Variants in NR4A3 observed in about 807,000 individuals in gnomAD.
The protein encoded by NR4A3 is nuclear receptor subfamily 4 group A member 3, also known as chondrosarcoma, extraskeletal myxoid, fused to EWS.
NR4A3 carries 13 observed loss-of-function variants against 55.6 expected under a neutral mutation model. The observed-to-expected ratio is 0.23, with a 90% confidence interval of 0.15 to 0.37. The LOEUF (loss-of-function observed/expected upper bound fraction) is 0.37. Among genes scored for constraint, NR4A3 ranks in the 10% least tolerant of loss-of-function variants. The pLI, the probability that NR4A3 is intolerant of heterozygous loss-of-function variation, is 1.00. For synonymous variants in NR4A3, 342 were observed against 357.9 expected (o/e 0.96, Z 0.50); for missense variants, 646 against 822.8 (o/e 0.79, Z 2.63).
In NR4A3 at chr9:99,842,801, T is replaced by C. The variant is rs760187631; in HGVS notation, c.1255-1848T>C. 1.3e-4 allele frequency among the ~76,000 whole-genome samples: 20 copies of C among 152,100 alleles called. No individual in the cohort carries two copies. In the Middle Eastern group the frequency reaches 0.01, roughly 78 times the overall value. On this transcript the variant is annotated intron_variant, in intron 5 of 7. Transcript: ENST00000395097. The stretch of plus-strand genomic sequence containing the variant: ...TAGCTAGGAGGGGTAAAACTTGAAA[T>C]CACAGGGTCAGCATAAGTCCTGGCT...
intron 2 of NR4A3, chr9:99,826,763 T>C (rs1827301803): frequency 2.5e-6 from 4 of 1,613,770 alleles, no homozygotes; most frequent in Non-Finnish European, 3.4e-6. Context: ...CAAGATTTCA[T>C]CCCATACATG....
intron 7 of NR4A3, among the ~76,000 whole-genome samples, chr9:99,862,608 CTAAATGT>C (rs1007307223): frequency 1.5e-5 from 2 of 133,280 alleles, no homozygotes; most frequent in Non-Finnish European, 3.1e-5. Context: ...GCTCTGAAGT[CTAAATGT>C]TGAGGAAAAG....
Position 99,828,016 on chromosome 9 carries a change from GA to G in NR4A3, c.-2-24del. On this transcript the variant is annotated intron_variant, in intron 2 of 7. Transcript: ENST00000395097. The surrounding 1 kb of genome is among the most constrained non-coding windows in gnomAD (Gnocchi z 7.7). Reference sequence around the variant, plus strand: ...AAAACAAGTGTTAACTTGCTTCTGAGAGACCCTTTTCTCTGTCCCTGCAGAT... The same window carrying G: ...AAAACAAGTGTTAACTTGCTTCTGAGGACCCTTTTCTCTGTCCCTGCAGAT... 1.3e-6 allele frequency: 2 copies of G among 1,592,228 alleles called. No individual in the cohort carries two copies. Among genetic ancestry groups the G allele is most frequent in the Non-Finnish European group, 1.7e-6 (2 of 1,167,682 alleles).
At chr9:99,861,181 A>C (rs1268246980) in intron 7 of NR4A3, among the ~76,000 whole-genome samples, 2 of 152,234 alleles carry the variant, frequency 1.3e-5, no homozygotes, top group Non-Finnish European at 2.9e-5. Context: ...CTTACAGTCC[A>C]TGGAGATCCC....
At chr9:99,826,162 A>G (rs1447233391) in intron 2 of NR4A3, among the ~76,000 whole-genome samples, 1 of 152,242 alleles carries the variant, frequency 6.6e-6, no homozygotes, top group East Asian at 1.9e-4. Context: ...TGCACATGTA[A>G]GAGTTATGGA....
rs1828095189 is a variant in NR4A3 at position 99,866,199 on chromosome 9, C to CT, written c.*2334dup. 1 of 215,648 alleles carries CT rather than the reference C, an allele frequency of 4.6e-6. No individual in the cohort carries two copies. The highest frequency in any genetic ancestry group is 5.8e-5 in the Admixed American group (1 of 17,170). The allele number at this position is 215,648 out of a possible 1,614,324, so 13.4% of individuals were successfully genotyped here. ...AAAGCTAACATTTCATACAAGATAG[C>CT]TTCAGACCAAATTCAAATTGAATTT... On this transcript the variant is annotated 3_prime_UTR_variant, in exon 8 of 8. Coordinates refer to ENST00000395097, the MANE Select transcript of NR4A3 (RefSeq NM_006981.4).
At chr9:99,859,036 G>A (rs1827970535) in intron 7 of NR4A3, among the ~76,000 whole-genome samples, 1 of 152,120 alleles carries the variant, frequency 6.6e-6, no homozygotes, top group Non-Finnish European at 1.5e-5. Flanking sequence ...TGACACATAA[G>A]TCTATTACTT....
At chr9:99,834,788 C>A in intron 5 of NR4A3, 2 of 985,346 alleles carry the variant, frequency 2.0e-6, no homozygotes, top group African/African-American at 1.7e-5. Context: ...CTCCTCTCTG[C>A]ACCTGATAAC....
At chr9:99,834,061 G>C (rs1827504507) in intron 5 of NR4A3, 1 of 1,046,712 alleles carries the variant, frequency 9.6e-7, no homozygotes, top group Non-Finnish European at 1.2e-6. Flanking sequence ...AACCTCAGAG[G>C]GGTGTTCTGA....
At chr9:99,823,920 T>C (rs1827235960) in intron 1 of NR4A3, among the ~76,000 whole-genome samples, 1 of 151,906 alleles carries the variant, frequency 6.6e-6, no homozygotes, top group Non-Finnish European at 1.5e-5. Flanking sequence ...GGTTGGAAAC[T>C]CCGCAGAGGA....
intron 7 of NR4A3, 83 bp from the exon 8 acceptor site, chr9:99,863,537 G>A: frequency 3.3e-6 from 5 of 1,503,984 alleles, no homozygotes; most frequent in Non-Finnish European, 4.5e-6. Flanking sequence ...GGCAGAATGA[G>A]ACACAGACCT....
At chr9:99,859,826 T>G (rs1279769934) in intron 7 of NR4A3, among the ~76,000 whole-genome samples, 1 of 152,194 alleles carries the variant, frequency 6.6e-6, no homozygotes, top group Non-Finnish European at 1.5e-5. Flanking sequence ...TTGAATGTTA[T>G]GTAAGACATG....
In NR4A3 at chr9:99,828,913, A is replaced by G. The variant is rs1827380779; in HGVS notation, c.871A>G (p.Thr291Ala). ...PSRSSSSGEG[T>A]CAVCGDNAAC... is the part of the protein sequence containing the mutation. ...CAGGAGCTCGTCGTCTGGCGAGGGC[A>G]CGTGTGCCGTGTGCGGGGACAACGC... The change falls in exon 3 of 8, where the codon ACG becomes GCG. Residue 291 changes from threonine to alanine, a missense_variant. Transcript: ENST00000395097. This position sits in a 1 kb window ranked among gnomAD's most constrained non-coding sequence, Gnocchi z 7.7. The G allele has an allele frequency of 6.7e-7, 1 of 1,482,434 alleles. No homozygotes were observed. Among genetic ancestry groups the G allele is most frequent in the Non-Finnish European group, 8.9e-7 (1 of 1,119,468 alleles). The allele number at this position is 1,482,434 out of a possible 1,614,324, so 91.8% of individuals were successfully genotyped here. A position where few individuals can be genotyped will look rare whatever the true frequency, so the allele number is the denominator to read the frequency against.
chr9:99,857,272 C>T (rs1827943767), intron 7 of NR4A3, among the ~76,000 whole-genome samples: 1 of 152,094 alleles, frequency 6.6e-6, no homozygotes, highest in Non-Finnish European at 1.5e-5. Context: ...CATTAATAGA[C>T]AAGCTTAGAG....
intron 5 of NR4A3, among the ~76,000 whole-genome samples, chr9:99,843,440 A>G (rs1273170515): frequency 2.0e-5 from 3 of 152,218 alleles, no homozygotes; most frequent in African/African-American, 7.2e-5. Context: ...ATCAACAGCC[A>G]GCAAAAATCA....
intron 2 of NR4A3, chr9:99,826,758 T>C (rs755195604): frequency 6.2e-7 from 1 of 1,613,830 alleles, no homozygotes; most frequent in East Asian, 2.2e-5. Context: ...CAAGTCAAGA[T>C]TTCATCCCAT....
At chr9:99,839,240 C>G (rs1166533567) in intron 5 of NR4A3, among the ~76,000 whole-genome samples, 1 of 152,126 alleles carries the variant, frequency 6.6e-6, no homozygotes, top group Non-Finnish European at 1.5e-5. Flanking sequence ...TAAAATGTCA[C>G]TTTTTAAAGT....
chr9:99,844,690 G>A lies in NR4A3; in HGVS notation c.1296G>A (p.Glu432=), dbSNP rs967457934. Residue 432 remains glutamate, a synonymous_variant, in exon 6 of 8, where the codon GAG becomes GAA. Coordinates refer to ENST00000395097, the MANE Select transcript of NR4A3 (RefSeq NM_006981.4). ...TDQAAAGTDA[E]HVQQFYNLLT... ...AGGCTGCTGCAGGCACAGATGCTGA[G>A]CATGTGCAACAATTCTACAACCTCC... 1.9e-6 allele frequency: 3 copies of A among 1,614,084 alleles called. No homozygotes were observed. The highest frequency in any genetic ancestry group is 1.6e-4 in the Middle Eastern group (1 of 6,084).
In NR4A3 at chr9:99,837,050, G is replaced by T. The variant is rs190363502; in HGVS notation, c.1254+3596G>T. On this transcript the variant is annotated intron_variant, in intron 5 of 7. Transcript: ENST00000395097. ...TAGGTTTTTTATCTATTTTTAAATA[G>T]ATTTTTTTTCTGCTATTGAGTTGAA... Among the ~76,000 whole-genome samples, 3 of 152,158 alleles carry T rather than the reference G, an allele frequency of 2.0e-5. No individual in the cohort carries two copies. The East Asian group carries it at 5.8e-4, about 29-fold the overall frequency.
Sources: gnomAD v4.1 joint callset for allele counts (sites outside exome capture counted in the v4.1 genomes callset) on GRCh38, gnomAD v4.1.1 for gene constraint, Gnocchi (gnomAD v3.1) non-coding constraint, MANE v1.5 for transcripts, NCBI Gene and HGNC (gene_info 2026-07-23, HGNC 2026-07-21) for gene names.